The following CUBN variants were observed in gnomAD, a reference collection of about 807,000 sequenced individuals.
CUBN encodes 460 kDa receptor.
In CUBN, 282 loss-of-function variants were observed where a neutral mutation model predicts 405.3. The ratio of observed to expected loss-of-function variants is 0.70; its 90% CI spans 0.63 to 0.77. The LOEUF is 0.77. CUBN is among the 30% of genes least tolerant of loss of function. The pLI is 0.00. For synonymous variants in CUBN, 1,684 were observed against 1,617.0 expected (o/e 1.04, Z -0.99); for missense variants, 4,514 against 4,475.2 (o/e 1.01, Z -0.25).
intron 54 of CUBN, among the ~76,000 whole-genome samples, chr10:16,891,878 T>G (rs543426847): frequency 7.2e-5 from 11 of 152,042 alleles, no homozygotes; most frequent in African/African-American, 1.2e-4. Flanking sequence ...GCCAGGACTA[T>G]TGCTACACAA....
chr10:16,939,387 G>A (rs1293244631), intron 37 of CUBN, among the ~76,000 whole-genome samples: 2 of 152,152 alleles, frequency 1.3e-5, no homozygotes, highest in Non-Finnish European at 2.9e-5. Flanking sequence ...GTGAAAAGGG[G>A]TTCTGAGCCC....
intron 22 of CUBN, among the ~76,000 whole-genome samples, chr10:17,054,429 G>C (rs1835344524): frequency 6.6e-6 from 1 of 150,672 alleles, no homozygotes; most frequent in Admixed American, 6.6e-5. Context: ...AAAGAAACTA[G>C]AGAAAAGCTA....
At chr10:16,927,085 C>T (rs11254280) in intron 41 of CUBN, among the ~76,000 whole-genome samples, 48,945 of 151,650 alleles carry the variant, frequency 0.32, 10,468 homozygotes, top group African/African-American at 0.6. Flanking sequence ...TATACATAGA[C>T]ACACACACAT....
At chr10:16,975,624 CT>C (rs199779818) in intron 31 of CUBN, among the ~76,000 whole-genome samples, 2,495 of 122,378 alleles carry the variant, frequency 0.02, 35 homozygotes, top group African/African-American at 0.076. Flanking sequence ...TAAAGACCTT[CT>C]TTTTTTTTTT....
Position 17,100,009 on chromosome 10 carries a change from T to C in CUBN, c.1761A>G (p.Gln587=), listed in dbSNP as rs2131295877. ...RGFTVRWETQ[Q]PECGGILTGP... is the part of the protein sequence containing the mutation. Reference sequence around the variant, plus strand: ...TTTCTCCAGGTTCACACATACCTGGTTGCTGTGTTTCCCATCTTACTGTAA... The same window carrying C: ...TTTCTCCAGGTTCACACATACCTGGCTGCTGTGTTTCCCATCTTACTGTAA... Residue 587 remains glutamine (Q), a synonymous_variant, in exon 14 of 67, where the codon CAA becomes CAG. Coordinates refer to ENST00000377833, the MANE Select transcript of CUBN (RefSeq NM_001081.4). 1.9e-6 allele frequency: 3 copies of C among 1,608,730 alleles called. No homozygotes were observed. In the South Asian group the frequency reaches 3.3e-5, roughly 18 times the overall value.
intron 56 of CUBN, among the ~76,000 whole-genome samples, chr10:16,880,474 T>C (rs528820157): frequency 6.6e-6 from 1 of 152,296 alleles, no homozygotes; most frequent in South Asian, 2.1e-4. Flanking sequence ...GAAAAAGAAG[T>C]TGTGCAGCAA....
chr10:17,088,961 G>A (rs1015313723), intron 14 of CUBN, among the ~76,000 whole-genome samples: 3 of 152,088 alleles, frequency 2.0e-5, no homozygotes, highest in South Asian at 2.1e-4. Flanking sequence ...GCCCCCTAAC[G>A]TTGCTGACTA....
intron 51 of CUBN, among the ~76,000 whole-genome samples, chr10:16,903,323 C>A (rs1157455913): frequency 6.6e-6 from 1 of 152,058 alleles, no homozygotes; most frequent in Non-Finnish European, 1.5e-5. Context: ...AACTTAAGAG[C>A]AACCAATATA....
At chr10:16,883,863 A>C (rs1840731792) in intron 56 of CUBN, among the ~76,000 whole-genome samples, 1 of 152,246 alleles carries the variant, frequency 6.6e-6, no homozygotes, top group Non-Finnish European at 1.5e-5. Context: ...TCTGAGAAAC[A>C]CTGAGTTTAC....
chr10:17,114,152 A>G lies in CUBN; in HGVS notation c.758T>C (p.Phe253Ser), dbSNP rs1801222. Residue 253 changes from phenylalanine to serine, a missense_variant, in exon 8 of 67, where the codon TTT (phenylalanine) becomes TCT (serine). Phe to Ser is a radical substitution (Grantham distance 155). Transcript: ENST00000377833. ...CGTGCAGGCAGGGCTGTTGGGTGAA[A>G]ACATCCACCCAGCATCACAGACGCA... The part of the protein sequence containing the change: ...YSCVCDAGWM[F>S]SPNSPACTLD... 0.68 allele frequency: 1,092,138 copies of G among 1,612,932 alleles called. 374,929 individuals carry two copies. Among genetic ancestry groups the G allele is most frequent in the Middle Eastern group, 0.88 (5,349 of 6,062 alleles).
chr10:16,908,305 C>A (rs1841616082), intron 48 of CUBN, among the ~76,000 whole-genome samples: 1 of 151,978 alleles, frequency 6.6e-6, no homozygotes, highest in Non-Finnish European at 1.5e-5. Flanking sequence ...ACCACCACGC[C>A]CAGCTAATTT....
intron 55 of CUBN, among the ~76,000 whole-genome samples, chr10:16,889,935 C>CAA (rs1554788544): frequency 1.5e-4 from 3 of 19,898 alleles, no homozygotes; most frequent in Admixed American, 4.4e-4. Context: ...GACGCCGTGT[C>CAA]AAAAAAAAAA....
chr10:17,075,714 A>C (rs1216269340), intron 17 of CUBN, among the ~76,000 whole-genome samples: 6 of 152,218 alleles, frequency 3.9e-5, no homozygotes, highest in African/African-American at 1.4e-4. Flanking sequence ...CCACTGACTC[A>C]GGCTCATACT....
At chr10:16,907,414 G>A (rs1841582836) in intron 49 of CUBN, 94 bp downstream of exon 49, 9 of 1,294,602 alleles carry the variant, frequency 7.0e-6, no homozygotes, top group South Asian at 1.2e-5. Context: ...ATCACTAAAG[G>A]GAAAATGGAT....
chr10:16,990,383 T>G lies in CUBN; in HGVS notation c.4301A>C (p.His1434Pro). 6.2e-7 allele frequency: 1 copy of G among 1,614,202 alleles called. No individual in the cohort carries two copies. Among genetic ancestry groups the G allele is most frequent in the South Asian group, 1.1e-5 (1 of 91,080 alleles). Residue 1434 changes from histidine (H) to proline (P), a missense_variant, in exon 29 of 67, where the codon CAT becomes CCT. This residue lies in a region of CUBN where 1,613 missense variants were observed against 1,542.8 expected (regional missense o/e 1.05). Transcript: ENST00000377833. ...TGAATGATACTCCACATCGAAGTCA[T>G]GGATGGTGAGCTGAATGCTACTCCC... is the stretch of plus-strand genomic sequence containing the variant. Reference protein sequence around the residue: ...DPGSSIQLTIHDFDVEYHSRC... With the variant: ...DPGSSIQLTIPDFDVEYHSRC...
intron 60 of CUBN, among the ~76,000 whole-genome samples, chr10:16,842,592 C>G (rs1230966320): frequency 6.6e-6 from 1 of 152,168 alleles, no homozygotes; most frequent in Admixed American, 6.5e-5. Context: ...CAGGTGATCT[C>G]CATCGTCCTT....
chr10:16,934,055 T>A (rs1034382116), intron 39 of CUBN, among the ~76,000 whole-genome samples: 4 of 152,196 alleles, frequency 2.6e-5, no homozygotes, highest in Admixed American at 6.5e-5. Context: ...CGCTGTTTTC[T>A]GGACCTCTGC....
chr10:16,840,018 G>A (rs1345300077), intron 62 of CUBN, among the ~76,000 whole-genome samples: 6 of 144,542 alleles, frequency 4.2e-5, no homozygotes, highest in African/African-American at 1.0e-4. Flanking sequence ...TTGAACAATC[G>A]GAACACATGG....
At chr10:16,862,660 C>G (rs1389472482) in intron 59 of CUBN, among the ~76,000 whole-genome samples, 1 of 152,152 alleles carries the variant, frequency 6.6e-6, no homozygotes. Flanking sequence ...TTTTATTGCT[C>G]ACTGCATATA....
Sources: gnomAD v4.1 joint callset for allele counts (sites outside exome capture counted in the v4.1 genomes callset) on GRCh38, gnomAD v4.1.1 for gene constraint, gnomAD v4.1.1 regional missense constraint, MANE v1.5 for transcripts, NCBI Gene and HGNC (gene_info 2026-07-23, HGNC 2026-07-21) for gene names.